The following MOB3B variants were observed in gnomAD, a reference collection of about 807,000 sequenced individuals.
The protein encoded by MOB3B is MOB kinase activator-like 2B.
In MOB3B, 7 loss-of-function variants were observed where a neutral mutation model predicts 18.7. The observed-to-expected ratio is 0.37, with a 90% CI of 0.21 to 0.70. The LOEUF is 0.70. MOB3B is among the 30% of genes least tolerant of loss of function. MOB3B has a pLI of 0.52. For synonymous variants in MOB3B, 111 were observed against 99.9 expected, an observed-to-expected ratio of 1.11 and a Z score of -0.66; for missense variants, 253 against 281.3, an observed-to-expected ratio of 0.90 and a Z score of 0.72.
chr9:27,416,297 C>A (rs1412659723), intron 2 of MOB3B, among the ~76,000 whole-genome samples: 1 of 151,624 alleles, frequency 6.6e-6, no homozygotes, highest in Non-Finnish European at 1.5e-5. Flanking sequence ...AGTGGCATAT[C>A]AGGGAAAAAA....
intron 1 of MOB3B, among the ~76,000 whole-genome samples, chr9:27,517,126 T>C (rs1820247310): frequency 6.6e-6 from 1 of 152,174 alleles, no homozygotes; most frequent in African/African-American, 2.4e-5. Context: ...ATTGTCTTCT[T>C]CTTGATACCT....
chr9:27,339,743 C>T (rs561349878), intron 3 of MOB3B, among the ~76,000 whole-genome samples: 3 of 152,338 alleles, frequency 2.0e-5, no homozygotes, highest in East Asian at 1.9e-4. Context: ...CCTGAGCCAT[C>T]GTGCTGAATA....
chr9:27,339,356 A>G (rs1820908961), intron 3 of MOB3B, among the ~76,000 whole-genome samples: 2 of 152,176 alleles, frequency 1.3e-5, no homozygotes, highest in African/African-American at 4.8e-5. Flanking sequence ...CCCCAAATTT[A>G]TTTTGGAACT....
At chr9:27,397,553 G>A (rs1444671630) in intron 2 of MOB3B, 1 of 152,108 alleles carries the variant, frequency 6.6e-6, no homozygotes, top group African/African-American at 2.4e-5. Context: ...TCTAATGAGT[G>A]CAAATCTGTG....
chr9:27,356,900 T>A (rs1821197545), intron 3 of MOB3B, among the ~76,000 whole-genome samples: 1 of 151,780 alleles, frequency 6.6e-6, no homozygotes, highest in East Asian at 2.0e-4. Flanking sequence ...AGTGGCTGTT[T>A]ACCCAAAACA....
chr9:27,410,982 G>A (rs1822056985), intron 2 of MOB3B, among the ~76,000 whole-genome samples: 1 of 152,104 alleles, frequency 6.6e-6, no homozygotes, highest in South Asian at 2.1e-4. Flanking sequence ...TTGTATCTGT[G>A]GATATGTGAT....
chr9:27,400,713 T>C (rs747936683), intron 2 of MOB3B, among the ~76,000 whole-genome samples: 40 of 152,344 alleles, frequency 2.6e-4, no homozygotes, highest in Non-Finnish European at 5.1e-4. Flanking sequence ...TTAGAGAAGG[T>C]CCATTAACGT....
At chr9:27,353,370 A>G (rs755879725) in intron 3 of MOB3B, among the ~76,000 whole-genome samples, 25 of 152,270 alleles carry the variant, frequency 1.6e-4, no homozygotes, top group Non-Finnish European at 3.1e-4. Flanking sequence ...GATTTAGTGT[A>G]TCTGGGGTGA....
intron 2 of MOB3B, among the ~76,000 whole-genome samples, chr9:27,410,331 G>C (rs569647077): frequency 2.0e-5 from 3 of 152,172 alleles, no homozygotes; most frequent in Non-Finnish European, 4.4e-5. Context: ...TAAATGCACA[G>C]TCAGGATAGT....
intron 1 of MOB3B, among the ~76,000 whole-genome samples, chr9:27,490,888 A>G (rs539885975): frequency 4.3e-4 from 65 of 152,306 alleles, no homozygotes; most frequent in Middle Eastern, 6.8e-3. Flanking sequence ...AAAGCCCAGA[A>G]AAGCAAATTC....
chr9:27,389,621 C>T (rs903862023), intron 2 of MOB3B, among the ~76,000 whole-genome samples: 8 of 152,152 alleles, frequency 5.3e-5, no homozygotes, highest in Non-Finnish European at 1.0e-4. Flanking sequence ...TCTTTATTTT[C>T]TAGCTTCCTT....
intron 2 of MOB3B, among the ~76,000 whole-genome samples, chr9:27,383,022 G>A (rs995162736): frequency 6.6e-6 from 1 of 152,164 alleles, no homozygotes; most frequent in African/African-American, 2.4e-5. Context: ...GTTTAGCAGG[G>A]AAAAGAATGT....
intron 3 of MOB3B, among the ~76,000 whole-genome samples, chr9:27,334,950 A>G (rs1311855129): frequency 2.6e-5 from 4 of 152,122 alleles, no homozygotes; most frequent in Non-Finnish European, 5.9e-5. Context: ...CAGCCTCCTG[A>G]GTAGCTGGGA....
chr9:27,526,890 G>C (rs1820444959), intron 1 of MOB3B, among the ~76,000 whole-genome samples: 1 of 152,198 alleles, frequency 6.6e-6, no homozygotes, highest in Admixed American at 6.5e-5. Flanking sequence ...GTAAGGTATA[G>C]GAGCCTTTGT....
At chr9:27,465,479 AG>A (rs1819367224) in intron 1 of MOB3B, among the ~76,000 whole-genome samples, 1 of 152,134 alleles carries the variant, frequency 6.6e-6, no homozygotes, top group Non-Finnish European at 1.5e-5. Flanking sequence ...CCAGGTGCAC[AG>A]TGCAAGCTGT....
At chr9:27,479,495 AC>A (rs1253562646) in intron 1 of MOB3B, among the ~76,000 whole-genome samples, 1 of 152,212 alleles carries the variant, frequency 6.6e-6, no homozygotes, top group Admixed American at 6.5e-5. Context: ...AAAAAGAGAG[AC>A]TATCCAATTC....
chr9:27,528,653 A>C (rs978421071), intron 1 of MOB3B, among the ~76,000 whole-genome samples: 9 of 152,190 alleles, frequency 5.9e-5, no homozygotes, highest in African/African-American at 2.2e-4. Flanking sequence ...AAGCCCCGCC[A>C]GATGTTGGAA....
At chr9:27,398,404 CTT>C (rs142221972) in intron 2 of MOB3B, among the ~76,000 whole-genome samples, 6,304 of 152,214 alleles carry the variant, frequency 0.041, 431 homozygotes, top group African/African-American at 0.14. Context: ...TCATGGTTTT[CTT>C]TTTTTAGTTA....
intron 1 of MOB3B, among the ~76,000 whole-genome samples, chr9:27,514,052 T>C (rs2054666776): frequency 6.6e-6 from 1 of 152,090 alleles, no homozygotes; most frequent in Non-Finnish European, 1.5e-5. Context: ...CTGGCAGGGA[T>C]GTATATAGGG....
Sources: allele counts gnomAD v4.1 joint callset (sites outside exome capture counted in the v4.1 genomes callset), GRCh38; gene constraint gnomAD v4.1.1; transcripts MANE v1.5; gene names NCBI Gene and HGNC (gene_info 2026-07-23, HGNC 2026-07-21).